Variants in CALN1 observed in about 807,000 individuals in gnomAD.
CALN1 encodes calneuron 1, also known as calcium-binding protein 8.
A neutral mutation model predicts 30.6 loss-of-function variants in CALN1; 17 were observed. The ratio of observed to expected loss-of-function variants is 0.56; its 90% confidence interval spans 0.38 to 0.83. The LOEUF is 0.83. Among genes scored for constraint, CALN1 ranks in the 40% least tolerant of loss-of-function variants. The pLI, the probability that CALN1 is intolerant of heterozygous loss-of-function variation, is 0.00. For synonymous variants in CALN1, 156 were observed against 131.4 expected (o/e 1.19, Z -1.28); for missense variants, 291 against 354.9 (o/e 0.82, Z 1.45).
intron 2 of CALN1, among the ~76,000 whole-genome samples, chr7:72,377,670 C>T (rs1476803955): frequency 6.6e-6 from 1 of 152,124 alleles, no homozygotes; most frequent in Non-Finnish European, 1.5e-5. Flanking sequence ...GCATTGACAA[C>T]TTTGTTCAGT....
At position 72,433,083 on chromosome 7, in the gene CALN1, T is replaced by C. The variant is rs192026675; in HGVS notation, c.-226+13959A>G. ...AGATTCAGGGTGTTGGACAATCTCA[T>C]TGGAGCTTGGGTGTCTTAAATTTCT... On this transcript the variant is annotated intron_variant, in intron 1 of 6. Coordinates refer to the CALN1 transcript ENST00000395276. Among the ~76,000 whole-genome samples the C allele has an allele frequency of 2.6e-5, 4 of 152,294 alleles. No homozygotes were observed. The East Asian group carries it at 5.8e-4, about 22-fold the overall frequency.
intron 2 of CALN1, among the ~76,000 whole-genome samples, chr7:72,382,147 T>G (rs1306734770): frequency 6.6e-6 from 1 of 152,206 alleles, no homozygotes; most frequent in Non-Finnish European, 1.5e-5. Context: ...GCTGCAAGTG[T>G]TGGAGTCAAG....
chr7:71,826,965 C>G (rs1232282751), intron 5 of CALN1, among the ~76,000 whole-genome samples: 1 of 152,160 alleles, frequency 6.6e-6, no homozygotes, highest in Non-Finnish European at 1.5e-5. Flanking sequence ...CACATGTCAA[C>G]ATCAACAAGG....
chr7:71,904,826 CT>C (rs762064396), intron 5 of CALN1, among the ~76,000 whole-genome samples: 3 of 151,958 alleles, frequency 2.0e-5, no homozygotes, highest in Non-Finnish European at 2.9e-5. Context: ...TTACCTGTCA[CT>C]TTTTTTTAAA....
intron 2 of CALN1, among the ~76,000 whole-genome samples, chr7:72,376,969 G>A (rs890825686): frequency 1.3e-5 from 2 of 152,068 alleles, no homozygotes; most frequent in African/African-American, 4.8e-5. Context: ...GAATGGCCTT[G>A]GCACCCTTGT....
chr7:71,792,858 A>G (rs976264964), intron 6 of CALN1, among the ~76,000 whole-genome samples: 3 of 152,010 alleles, frequency 2.0e-5, no homozygotes, highest in Non-Finnish European at 2.9e-5. Context: ...CTTCTTCGTG[A>G]AGGTCAACCA....
rs564893080 is a variant in CALN1 at position 72,087,881 on chromosome 7, C to T, written c.388+18270G>A. Among the ~76,000 whole-genome samples the T allele has an allele frequency of 9.9e-5, 15 of 152,188 alleles. No homozygotes were observed. The South Asian group carries it at 2.3e-3, about 23-fold the overall frequency. ...ACTCGGTCTAAAAATTGAGAGTGTA[C>T]GCTGGGCGTGATGGTGCACGCCTGT... is the stretch of plus-strand genomic sequence containing the variant. On this transcript the variant is annotated intron_variant, in intron 4 of 6. Coordinates refer to ENST00000395275, the MANE Select transcript of CALN1 (RefSeq NM_031468.4).
chr7:72,248,324 C>T (rs150142328), intron 3 of CALN1, among the ~76,000 whole-genome samples: 5 of 152,162 alleles, frequency 3.3e-5, no homozygotes, highest in East Asian at 3.9e-4. Flanking sequence ...CATATAGGCC[C>T]GGCTGGTCTA....
chr7:72,082,277 C>T (rs965225839), intron 4 of CALN1, among the ~76,000 whole-genome samples: 12 of 152,196 alleles, frequency 7.9e-5, no homozygotes, highest in Admixed American at 2.0e-4. Flanking sequence ...TGAGCCACCT[C>T]GCTCCGCCGG....
At chr7:72,367,511 G>C (rs1400999673) in intron 2 of CALN1, among the ~76,000 whole-genome samples, 1 of 152,028 alleles carries the variant, frequency 6.6e-6, no homozygotes, top group Non-Finnish European at 1.5e-5. Flanking sequence ...TGTGATCCCA[G>C]CTACTTGGAA....
intron 5 of CALN1, among the ~76,000 whole-genome samples, chr7:71,836,622 CT>C (rs756689224): frequency 2.3e-3 from 303 of 132,608 alleles, no homozygotes; most frequent in Middle Eastern, 7.9e-3. Flanking sequence ...CTCTCTGTCT[CT>C]TTTTTTTTTT....
chr7:72,201,487 A>T (rs1791410691), intron 3 of CALN1, among the ~76,000 whole-genome samples: 1 of 151,976 alleles, frequency 6.6e-6, no homozygotes, highest in Non-Finnish European at 1.5e-5. Flanking sequence ...GCTACTCGGG[A>T]GGCTGAGGCA....
intron 3 of CALN1, among the ~76,000 whole-genome samples, chr7:72,117,830 T>C (rs536888846): frequency 6.6e-6 from 1 of 151,738 alleles, no homozygotes; most frequent in Non-Finnish European, 1.5e-5. Context: ...TGGTGGTGGG[T>C]GCCTGTAATC....
At chr7:72,017,364 G>A (rs1290981253) in intron 5 of CALN1, among the ~76,000 whole-genome samples, 1 of 152,100 alleles carries the variant, frequency 6.6e-6, no homozygotes, top group African/African-American at 2.4e-5. Flanking sequence ...GGATTGGACA[G>A]CAGCAGACCT....
intron 3 of CALN1, among the ~76,000 whole-genome samples, chr7:72,140,691 T>A (rs1191128870): frequency 2.0e-5 from 3 of 152,182 alleles, no homozygotes; most frequent in Non-Finnish European, 4.4e-5. Flanking sequence ...TCTTGAGTGG[T>A]GTGAGCTGGT....
upstream of CALN1, among the ~76,000 whole-genome samples, chr7:72,413,249 TACAC>T (rs920553207): frequency 6.7e-6 from 1 of 148,696 alleles, no homozygotes; most frequent in African/African-American, 2.5e-5. Context: ...ACACCACACA[TACAC>T]ACATATACAT....
At chr7:72,070,038 C>T (rs1460066739) in intron 4 of CALN1, among the ~76,000 whole-genome samples, 1 of 152,194 alleles carries the variant, frequency 6.6e-6, no homozygotes, top group Non-Finnish European at 1.5e-5. Flanking sequence ...CAGAGCCTGA[C>T]AGTCTCCAGG....
chr7:72,066,987 C>T (rs905398514), intron 4 of CALN1, among the ~76,000 whole-genome samples: 3 of 150,960 alleles, frequency 2.0e-5, no homozygotes, highest in Non-Finnish European at 4.4e-5. Context: ...TGGGGTTTTA[C>T]CATGTTGCCC....
chr7:72,294,902 TA>T (rs1798749018), intron 2 of CALN1, among the ~76,000 whole-genome samples: 1 of 152,144 alleles, frequency 6.6e-6, no homozygotes, highest in Admixed American at 6.6e-5. Flanking sequence ...CTATGAAGGC[TA>T]ATTTAATGTG....
Sources: allele counts gnomAD v4.1 joint callset (sites outside exome capture counted in the v4.1 genomes callset), GRCh38; gene constraint gnomAD v4.1.1; transcripts MANE v1.5; gene names NCBI Gene and HGNC (gene_info 2026-07-23, HGNC 2026-07-21).